PHF20L1: variants seen among roughly 807,000 people sequenced by gnomAD.
PHF20L1 encodes the protein PHD finger protein 20 like 1, also known as PHD finger protein 20-like protein 1.
A neutral mutation model predicts 125.5 loss-of-function variants in PHF20L1; 44 were observed. That is an observed-to-expected ratio of 0.35 (90% CI 0.28 to 0.45). The LOEUF is 0.45. Ranked by LOEUF, PHF20L1 falls within the 20% of genes least tolerant of loss-of-function variation. The probability of loss-of-function intolerance (pLI) is 1.00; values close to 1 mark genes in which losing one functional copy is unlikely to be tolerated. For missense variants in PHF20L1, 1,012 were observed against 1,217.2 expected, an observed-to-expected ratio of 0.83 and a Z score of 2.51; for synonymous variants, 380 against 403.1, an observed-to-expected ratio of 0.94 and a Z score of 0.69.
Position 132,794,770 on chromosome 8 carries a change from C to G in PHF20L1, c.293C>G (p.Thr98Arg). The G allele has an allele frequency of 6.2e-7, 1 of 1,613,048 alleles. No individual in the cohort carries two copies. Among genetic ancestry groups the G allele is most frequent in the Non-Finnish European group, 8.5e-7 (1 of 1,179,276 alleles). Reference sequence around the variant, plus strand: ...GGAGAAGAAGTTCTGGCTCGTTGGACAGACTGTCGCTATTACCCTGCCAAG... The same window carrying G: ...GGAGAAGAAGTTCTGGCTCGTTGGAGAGACTGTCGCTATTACCCTGCCAAG... ...KAGEEVLARW[T>R]DCRYYPAKIE... is the part of the protein sequence containing the mutation. The change falls in exon 4 of 21, where the codon ACA (threonine) becomes AGA (arginine). Residue 98 changes from threonine to arginine, a missense_variant. Thr to Arg is a moderately conservative substitution (Grantham distance 71, BLOSUM62 -1). Transcript: ENST00000395386.
At chr8:132,841,000 C>T (rs960497030) in intron 18 of PHF20L1, among the ~76,000 whole-genome samples, 1 of 151,920 alleles carries the variant, frequency 6.6e-6, no homozygotes, top group African/African-American at 2.4e-5. Flanking sequence ...TTTTAAAAGG[C>T]CATGTAAGTG....
At chr8:132,816,099 A>C (rs1297294943) in intron 10 of PHF20L1, 1 of 151,894 alleles carries the variant, frequency 6.6e-6, no homozygotes, top group African/African-American at 2.4e-5. Context: ...AATTAACATG[A>C]ATATATTGGC....
At position 132,845,941 on chromosome 8, in the gene PHF20L1, TGAAA is replaced by T. The variant is rs1477661782; in HGVS notation, c.*22_*25del. The T allele has an allele frequency of 1.3e-6, 2 of 1,595,306 alleles. No homozygotes were observed. Among genetic ancestry groups the T allele is most frequent in the Non-Finnish European group, 1.7e-6 (2 of 1,166,150 alleles). On this transcript the variant is annotated 3_prime_UTR_variant, in exon 21 of 21. Coordinates refer to ENST00000395386, the MANE Select transcript of PHF20L1 (RefSeq NM_016018.5). ...CTGTATGACAACAGTGAACACTTAA[TGAAA>T]GAATGTGGCTTTCTTCAGTCAAAGC...
intron 8 of PHF20L1, chr8:132,810,705 T>A (rs1554634552): frequency 5.1e-6 from 1 of 195,012 alleles, no homozygotes; most frequent in Non-Finnish European, 1.1e-5. Flanking sequence ...ACAAAACCTG[T>A]ATTATAAGTA....
rs763472762 is a variant in PHF20L1, at chr8:132,842,469, A to T, written c.2388-46A>T. The stretch of plus-strand genomic sequence containing the variant: ...ATCATTGTATTCAGCTTGTTAATAG[A>T]TTTTTTTTTTTTTCTGAACTGCTGT... On this transcript the variant is annotated intron_variant, in intron 18 of 20. Coordinates refer to ENST00000395386, the MANE Select transcript of PHF20L1 (RefSeq NM_016018.5). 10 of 1,188,656 alleles carry T rather than the reference A, an allele frequency of 8.4e-6. No homozygotes were observed. The East Asian group carries it at 2.2e-4, about 26-fold the overall frequency. 73.6% of individuals were successfully genotyped at this position (1,188,656 alleles called of 1,614,324 possible). A position where few individuals can be genotyped will look rare whatever the true frequency, so the allele number is the denominator to read the frequency against.
intron 17 of PHF20L1, 37 bp downstream of exon 17, chr8:132,837,848 C>A: frequency 7.2e-7 from 1 of 1,388,716 alleles, no homozygotes; most frequent in Non-Finnish European, 1.0e-6. Flanking sequence ...GCCAGGATGC[C>A]TCTATGTCTC....
At chr8:132,810,939 G>T (rs1456387094) in intron 8 of PHF20L1, 107 bp from the exon 9 acceptor site, 2 of 732,118 alleles carry the variant, frequency 2.7e-6, no homozygotes, top group Non-Finnish European at 2.5e-6. Flanking sequence ...TACTTCCTAC[G>T]TATTAAAAAG....
At chr8:132,794,314 T>G in intron 2 of PHF20L1, 96 bp from the exon 3 acceptor site, 1 of 707,314 alleles carries the variant, frequency 1.4e-6, no homozygotes, top group South Asian at 2.2e-5. Flanking sequence ...CTTCATGGTT[T>G]TAATGGTAAG....
intron 19 of PHF20L1, 78 bp from the exon 20 acceptor site, chr8:132,844,078 T>C: frequency 1.9e-6 from 3 of 1,573,306 alleles, no homozygotes; most frequent in African/African-American, 2.7e-5. Context: ...AGTGATGAGG[T>C]GTTTCCTGTA....
intron 10 of PHF20L1, chr8:132,816,645 T>A: frequency 2.7e-6 from 1 of 372,144 alleles, no homozygotes; most frequent in Non-Finnish European, 4.8e-6. Flanking sequence ...TTGAAATTAA[T>A]GTTCCATTTT....
At position 132,817,325 on chromosome 8, in the gene PHF20L1, T is replaced by C; in HGVS notation, c.1373-14T>C. The C allele has an allele frequency of 6.2e-7, 1 of 1,601,892 alleles. No individual in the cohort carries two copies. On this transcript the variant is annotated splice_polypyrimidine_tract_variant and intron_variant, in intron 11 of 20. Coordinates refer to ENST00000395386, the MANE Select transcript of PHF20L1 (RefSeq NM_016018.5). ...TCTGTGTTAATATTACATTACACTCTTTATTTTGTGTAGTGCCTGATGTTG... is the reference window on the plus strand; with the variant it reads ...TCTGTGTTAATATTACATTACACTCCTTATTTTGTGTAGTGCCTGATGTTG...
At chr8:132,807,690 T>A (rs942976358) in intron 8 of PHF20L1, 4 of 454,752 alleles carry the variant, frequency 8.8e-6, no homozygotes, top group African/African-American at 4.0e-5. Context: ...TCCAGGGAGC[T>A]CTGGGCTCTG....
chr8:132,802,654 CACAT>C (rs1477994364), intron 6 of PHF20L1, among the ~76,000 whole-genome samples: 1 of 151,746 alleles, frequency 6.6e-6, no homozygotes, highest in African/African-American at 2.4e-5. Flanking sequence ...TAAGTGCAAT[CACAT>C]GATGTTTTCA....
At chr8:132,808,900 G>A (rs1439854880) in intron 8 of PHF20L1, 1 of 150,392 alleles carries the variant, frequency 6.6e-6, no homozygotes, top group Non-Finnish European at 1.5e-5. Context: ...ATATAGAGAT[G>A]GGGTCTTGCT....
Position 132,837,169 on chromosome 8 carries a change from G to T in PHF20L1, c.2091+448G>T, listed in dbSNP as rs144124721. Among the ~76,000 whole-genome samples the T allele has an allele frequency of 4.2e-3, 646 of 152,138 alleles. 14 individuals are homozygous for T. The highest frequency in any genetic ancestry group is 8.7e-3 in the East Asian group (45 of 5,164). ...GTTAACAACTTCTTCTTGTAGGAAA[G>T]ATATCTTTAAGATAAAAGGAAAGCA... On this transcript the variant is annotated intron_variant, in intron 16 of 20. Coordinates refer to ENST00000395386, the MANE Select transcript of PHF20L1 (RefSeq NM_016018.5).
At position 132,814,654 on chromosome 8, in the gene PHF20L1, T is replaced by A. The variant is rs989013726; in HGVS notation, c.948T>A (p.Pro316=). 1 of 1,601,230 alleles carries A rather than the reference T, an allele frequency of 6.2e-7. No individual in the cohort carries two copies. The highest frequency in any genetic ancestry group is 1.3e-5 in the African/African-American group (1 of 74,464). The change falls in exon 10 of 21, where the codon CCT becomes CCA. Residue 316 remains proline (P), a synonymous_variant. Transcript: ENST00000395386. ...PMLEQAISPK[P]QSQKKNEADI... is the part of the protein sequence containing the mutation. The stretch of plus-strand genomic sequence containing the variant: ...TTATTCAGGCGATTTCACCTAAACC[T>A]CAAAGTCAGAAAAAAAATGAAGCTG...
intron 2 of PHF20L1, among the ~76,000 whole-genome samples, chr8:132,793,549 A>G (rs895731020): frequency 2.0e-5 from 3 of 152,204 alleles, no homozygotes; most frequent in Admixed American, 6.5e-5. Context: ...GTGTGCTGCT[A>G]TTGAGTTCTG....
Position 132,833,461 on chromosome 8 carries a change from G to A in PHF20L1, c.1909+1062G>A, listed in dbSNP as rs140088345. On this transcript the variant is annotated intron_variant, in intron 15 of 20. Coordinates refer to ENST00000395386, the MANE Select transcript of PHF20L1 (RefSeq NM_016018.5). ...AGTCTACTTTTTCCCATGGTTCAGT[G>A]GTTCTTCACCCCCGGTGAACCTTAC... 6.3e-4 allele frequency among the ~76,000 whole-genome samples: 96 copies of A among 152,064 alleles called. 1 individual carries two copies. The East Asian group carries it at 0.016, about 25-fold the overall frequency.
At chr8:132,833,498 C>T (rs954906564) in intron 15 of PHF20L1, among the ~76,000 whole-genome samples, 4 of 152,134 alleles carry the variant, frequency 2.6e-5, no homozygotes, top group East Asian at 2.0e-4. Context: ...ATCATTGCTG[C>T]GGTTCTTCTA....
Sources: gnomAD v4.1 joint callset for allele counts (sites outside exome capture counted in the v4.1 genomes callset) on GRCh38, gnomAD v4.1.1 for gene constraint, MANE v1.5 for transcripts, NCBI Gene and HGNC (gene_info 2026-07-23, HGNC 2026-07-21) for gene names.